Variants in TRIP12 observed in about 807,000 individuals in gnomAD.
TRIP12 encodes the protein E3 ubiquitin-protein ligase TRIP12.
Under a neutral mutation model 244.2 loss-of-function variants are expected in TRIP12, and 25 were observed. The ratio of observed to expected loss-of-function variants is 0.10; its 90% CI spans 0.07 to 0.14. TRIP12 has a LOEUF of 0.14. Among genes scored for constraint, TRIP12 ranks in the 10% least tolerant of loss-of-function variants. The pLI, the probability that TRIP12 is intolerant of heterozygous loss-of-function variation, is 1.00. For synonymous variants in TRIP12, 905 were observed against 873.1 expected (o/e 1.04, Z -0.64); for missense variants, 1,677 against 2,486.4 (o/e 0.67, Z 6.92).
chr2:229,806,001 G>A (rs2045785239), intron 17 of TRIP12, 118 bp from the exon 18 acceptor site: 3 of 796,104 alleles, frequency 3.8e-6, no homozygotes, highest in African/African-American at 3.4e-5. Flanking sequence ...GGTTTTAGAT[G>A]GTGAAGTTAA....
Position 229,799,053 on chromosome 2 carries a change from T to A in TRIP12, c.3308-4A>T, listed in dbSNP as rs1479069713. The A allele has an allele frequency of 4.4e-6, 7 of 1,608,068 alleles. No homozygotes were observed. In the Admixed American group the frequency reaches 5.2e-5, roughly 12 times the overall value. On this transcript the variant is annotated splice_polypyrimidine_tract_variant and splice_region_variant and intron_variant, in intron 22 of 41. Coordinates refer to ENST00000675903, the MANE Select transcript of TRIP12 (RefSeq NM_001348323.3). ...TGAGTAGTGGTGGGGCTTTTAGCTA[T>A]GAAAAGAAAAAAGAACTACAGTTAA...
At chr2:229,835,386 G>T (rs555757884) in intron 6 of TRIP12, among the ~76,000 whole-genome samples, 1 of 152,120 alleles carries the variant, frequency 6.6e-6, no homozygotes, top group African/African-American at 2.4e-5. Context: ...ATAAATAGGG[G>T]AACAAAATTT....
At chr2:229,913,911 G>A (rs1364750465) in intron 1 of TRIP12, among the ~76,000 whole-genome samples, 2 of 152,208 alleles carry the variant, frequency 1.3e-5, no homozygotes, top group African/African-American at 4.8e-5. Context: ...GAGAATAGGA[G>A]AGTAAGGAGT....
intron 1 of TRIP12, among the ~76,000 whole-genome samples, chr2:229,890,433 A>T (rs542605923): frequency 1.3e-5 from 2 of 152,194 alleles, no homozygotes; most frequent in Non-Finnish European, 2.9e-5. Context: ...AGTTCAGATT[A>T]GGACGTCTAT....
intron 4 of TRIP12, among the ~76,000 whole-genome samples, chr2:229,841,253 C>A (rs1376726509): frequency 6.6e-6 from 1 of 152,028 alleles, no homozygotes; most frequent in Non-Finnish European, 1.5e-5. Context: ...TTGTATATAC[C>A]ATTTATTTCA....
At chr2:229,820,812 A>G (rs2049855456) in intron 8 of TRIP12, among the ~76,000 whole-genome samples, 1 of 151,966 alleles carries the variant, frequency 6.6e-6, no homozygotes, top group Non-Finnish European at 1.5e-5. Context: ...CTGGTAGTGA[A>G]CTCCTGACCT....
At chr2:229,913,985 A>G (rs1217244224) in intron 1 of TRIP12, among the ~76,000 whole-genome samples, 1 of 152,140 alleles carries the variant, frequency 6.6e-6, no homozygotes, top group African/African-American at 2.4e-5. Context: ...TAAGAGATAC[A>G]GGCCAGGCGC....
At chr2:229,840,248 G>A (rs961936104) in intron 5 of TRIP12, among the ~76,000 whole-genome samples, 3 of 152,092 alleles carry the variant, frequency 2.0e-5, no homozygotes, top group South Asian at 2.1e-4. Context: ...TGAAAATAGC[G>A]TTAACAACAA....
chr2:229,769,477 T>C (rs1344566610), intron 39 of TRIP12, 152 bp from the exon 40 acceptor site: 1 of 394,938 alleles, frequency 2.5e-6, no homozygotes, highest in Non-Finnish European at 4.3e-6. Flanking sequence ...AAAATAATAA[T>C]AAAATAAAAT....
At position 229,803,709 on chromosome 2, in the gene TRIP12, G is replaced by C; in HGVS notation, c.2880-20C>G. On this transcript the variant is annotated intron_variant, in intron 19 of 41. Transcript: ENST00000675903. ...ATGTGACTAAAAAAAGAAAGCATTTGTATATAAAACTCTGCCTGAATTTGA... is the reference window on the plus strand; with the variant it reads ...ATGTGACTAAAAAAAGAAAGCATTTCTATATAAAACTCTGCCTGAATTTGA... 2 of 1,548,098 alleles carry C rather than the reference G, an allele frequency of 1.3e-6. No individual in the cohort carries two copies.
At chr2:229,772,244 A>C (rs1206456375) in intron 38 of TRIP12, among the ~76,000 whole-genome samples, 2 of 152,236 alleles carry the variant, frequency 1.3e-5, no homozygotes, top group Non-Finnish European at 2.9e-5. Flanking sequence ...TTTTCAGATA[A>C]AAATGAAAAC....
intron 2 of TRIP12, among the ~76,000 whole-genome samples, chr2:229,878,443 TAAAAAAA>T (rs779143943): frequency 5.2e-5 from 7 of 133,350 alleles, no homozygotes; most frequent in African/African-American, 1.9e-4. Flanking sequence ...GCAACTGTTT[TAAAAAAA>T]AAAAAAAAGA....
chr2:229,826,615 T>C (rs2051679746), intron 8 of TRIP12, among the ~76,000 whole-genome samples: 2 of 152,184 alleles, frequency 1.3e-5, no homozygotes, highest in Non-Finnish European at 2.9e-5. Flanking sequence ...CATGTAAACA[T>C]CATAGAGTAT....
In TRIP12 at chr2:229,797,800, C is replaced by T. The variant is rs773319914; in HGVS notation, c.3514G>A (p.Ala1172Thr). Reference sequence around the variant, plus strand: ...AAATAACGTTCTACAAATTTATGTGCCTGCTCCTTAATCCAACCTTTAATT... The same window carrying T: ...AAATAACGTTCTACAAATTTATGTGTCTGCTCCTTAATCCAACCTTTAATT... ...EKIKGWIKEQ[A>T]HKFVERYFSS... Residue 1172 changes from alanine (A) to threonine (T), a missense_variant, in exon 24 of 42, where the codon GCA (alanine) becomes ACA (threonine). Physicochemically the swap from Ala to Thr is moderately conservative, Grantham distance 58. Around this residue, in one of 11 missense-constraint regions of TRIP12, gnomAD observed 572 missense variants for 867.8 expected, o/e 0.66. Transcript: ENST00000675903. 6.2e-7 allele frequency: 1 copy of T among 1,613,904 alleles called. No individual in the cohort carries two copies. Among genetic ancestry groups the T allele is most frequent in the Admixed American group, 1.7e-5 (1 of 59,992 alleles).
chr2:229,912,420 G>A (rs1371420391), intron 1 of TRIP12, among the ~76,000 whole-genome samples: 1 of 152,062 alleles, frequency 6.6e-6, no homozygotes, highest in African/African-American at 2.4e-5. Context: ...CTAATTCCGT[G>A]ATCTCCCATT....
At chr2:229,900,002 C>T (rs192140586) in intron 1 of TRIP12, among the ~76,000 whole-genome samples, 187 of 152,246 alleles carry the variant, frequency 1.2e-3, no homozygotes, top group African/African-American at 4.4e-3. Context: ...AAAAAGAAAG[C>T]CTATGGAAGT....
At chr2:229,785,086 A>G (rs1375823054) in intron 34 of TRIP12, among the ~76,000 whole-genome samples, 1 of 152,264 alleles carries the variant, frequency 6.6e-6, no homozygotes, top group African/African-American at 2.4e-5. Flanking sequence ...GGAATACTCA[A>G]TATATAGTTC....
intron 1 of TRIP12, among the ~76,000 whole-genome samples, chr2:229,902,994 GTTT>G (rs1266333400): frequency 2.1e-5 from 2 of 95,552 alleles, no homozygotes; most frequent in Non-Finnish European, 4.0e-5. Context: ...CTGTGTGCGG[GTTT>G]TTTTTTCTTT....
At chr2:229,824,376 G>C (rs941008655) in intron 8 of TRIP12, among the ~76,000 whole-genome samples, 1 of 152,210 alleles carries the variant, frequency 6.6e-6, no homozygotes, top group African/African-American at 2.4e-5. Context: ...ACTCCAAATG[G>C]GGGGGAGTTT....
Sources: gnomAD v4.1 joint callset for allele counts (sites outside exome capture counted in the v4.1 genomes callset) on GRCh38, gnomAD v4.1.1 for gene constraint, gnomAD v4.1.1 regional missense constraint, MANE v1.5 for transcripts, NCBI Gene and HGNC (gene_info 2026-07-23, HGNC 2026-07-21) for gene names.